Variants in TYR observed in about 807,000 individuals in gnomAD.
The protein encoded by TYR is tyrosinase, also known as LB24-AB.
TYR carries 58 observed loss-of-function variants against 51.5 expected under a neutral mutation model. The observed-to-expected ratio is 1.13, with a 90% CI of 0.91 to 1.40. The LOEUF (loss-of-function observed/expected upper bound fraction) is 1.40, where lower values mean the gene tolerates loss of function less well. Among genes scored for constraint, TYR ranks in the 40% most tolerant of loss-of-function variants. The pLI is 0.00. For missense variants in TYR, 732 were observed against 647.4 expected (o/e 1.13, Z -1.42); for synonymous variants, 263 against 235.2 (o/e 1.12, Z -1.08).
At chr11:89,218,716 A>G (rs1159039501) in intron 2 of TYR, among the ~76,000 whole-genome samples, 1 of 152,202 alleles carries the variant, frequency 6.6e-6, no homozygotes, top group Non-Finnish European at 1.5e-5. Flanking sequence ...ATTCTTCTTA[A>G]ATGCCTTATA....
chr11:89,186,280 C>T (rs1943371402), intron 1 of TYR, among the ~76,000 whole-genome samples: 1 of 152,034 alleles, frequency 6.6e-6, no homozygotes, highest in African/African-American at 2.4e-5. Context: ...AGAAGCAGAC[C>T]CTACATTTGA....
At chr11:89,290,025 T>A (rs1944838181) in intron 4 of TYR, among the ~76,000 whole-genome samples, 1 of 152,052 alleles carries the variant, frequency 6.6e-6, no homozygotes. Context: ...CTAATTCATT[T>A]GAGTAATGGC....
chr11:89,284,217 T>C (rs1590901696), intron 3 of TYR, among the ~76,000 whole-genome samples: 1 of 151,798 alleles, frequency 6.6e-6, no homozygotes, highest in Admixed American at 6.6e-5. Flanking sequence ...TACTCTAACT[T>C]TAGAAAAAGC....
chr11:89,277,246 T>A (rs925375317), intron 3 of TYR, among the ~76,000 whole-genome samples: 1 of 151,584 alleles, frequency 6.6e-6, no homozygotes, highest in Admixed American at 6.6e-5. Context: ...AAATAAATAA[T>A]AATAAAAGAA....
At chr11:89,244,982 C>T (rs1048818312) in intron 3 of TYR, among the ~76,000 whole-genome samples, 5 of 152,176 alleles carry the variant, frequency 3.3e-5, no homozygotes, top group African/African-American at 7.2e-5. Context: ...CACCAAAGAA[C>T]GGGGACCACA....
At chr11:89,275,119 G>C (rs1944636993) in intron 3 of TYR, among the ~76,000 whole-genome samples, 2 of 151,796 alleles carry the variant, frequency 1.3e-5, no homozygotes, top group African/African-American at 4.8e-5. Flanking sequence ...AAATTCTACA[G>C]GGATAAATCA....
chr11:89,193,738 C>T (rs537554141), intron 2 of TYR, among the ~76,000 whole-genome samples: 3 of 152,176 alleles, frequency 2.0e-5, no homozygotes, highest in South Asian at 2.1e-4. Flanking sequence ...ACCAGGTACA[C>T]ATTTTAAAAT....
chr11:89,189,827 G>C (rs1025164029), intron 1 of TYR, among the ~76,000 whole-genome samples: 4 of 152,096 alleles, frequency 2.6e-5, no homozygotes, highest in Non-Finnish European at 5.9e-5. Flanking sequence ...AACTTTTATG[G>C]CTCATTCTGT....
chr11:89,283,462 AC>A (rs1944742313), intron 3 of TYR, among the ~76,000 whole-genome samples: 2 of 151,822 alleles, frequency 1.3e-5, no homozygotes, highest in African/African-American at 4.8e-5. Flanking sequence ...CCAACCTTTG[AC>A]CTGCTAGCTT....
intron 4 of TYR, among the ~76,000 whole-genome samples, chr11:89,288,948 C>T (rs540992286): frequency 6.6e-6 from 1 of 152,030 alleles, no homozygotes; most frequent in South Asian, 2.1e-4. Context: ...CAACCAGGTA[C>T]TCATGTTTAT....
At chr11:89,282,646 G>A (rs1944732614) in intron 3 of TYR, among the ~76,000 whole-genome samples, 2 of 151,784 alleles carry the variant, frequency 1.3e-5, no homozygotes, top group Non-Finnish European at 2.9e-5. Context: ...AAAATCATAG[G>A]ACTTTAATAA....
At chr11:89,203,055 T>C (rs1035751840) in intron 2 of TYR, among the ~76,000 whole-genome samples, 1 of 152,138 alleles carries the variant, frequency 6.6e-6, no homozygotes, top group African/African-American at 2.4e-5. Context: ...TATATTAAAG[T>C]AAGAAAGTAA....
chr11:89,178,364 C>A lies in TYR; in HGVS notation c.411C>A (p.Tyr137Ter), dbSNP rs1323264246. 6.2e-7 allele frequency: 1 copy of A among 1,614,104 alleles called. No individual in the cohort carries two copies. Among genetic ancestry groups the A allele is most frequent in the Admixed American group, 1.7e-5 (1 of 60,022 alleles). The change falls in exon 1 of 5, where the codon TAC becomes TAA. Residue 137 changes from tyrosine (Y) to a stop codon, truncating the protein, a stop_gained. Coordinates refer to ENST00000263321, the MANE Select transcript of TYR (RefSeq NM_000372.5). LOFTEE classifies it high-confidence loss of function. ...CAGAGAAGGACAAATTTTTTGCCTA[C>A]CTCACTTTAGCAAAGCATACCATCA... ...SAPEKDKFFA[Y>*]LTLAKHTISS...
At chr11:89,262,643 C>A in intron 3 of TYR, among the ~76,000 whole-genome samples, 1 of 138,756 alleles carries the variant, frequency 7.2e-6, no homozygotes, top group Admixed American at 7.3e-5. Flanking sequence ...TTACTAAAAT[C>A]AGGAATGAAA....
chr11:89,204,947 G>A (rs796926681), intron 2 of TYR, among the ~76,000 whole-genome samples: 4 of 151,928 alleles, frequency 2.6e-5, no homozygotes, highest in African/African-American at 4.8e-5. Context: ...GGTGAAAACC[G>A]CAATTACGTT....
chr11:89,286,554 A>C (rs562819267), intron 4 of TYR, among the ~76,000 whole-genome samples: 1 of 151,882 alleles, frequency 6.6e-6, no homozygotes, highest in South Asian at 2.1e-4. Context: ...CAGGCCACTT[A>C]CCTAGTATAT....
intron 4 of TYR, among the ~76,000 whole-genome samples, chr11:89,292,898 C>G (rs140528122): frequency 0.017 from 2,546 of 152,194 alleles, 68 homozygotes; most frequent in African/African-American, 0.057. Context: ...CAGTATAGCA[C>G]AGGGATTTCA....
intron 2 of TYR, among the ~76,000 whole-genome samples, chr11:89,227,154 G>A (rs749093799): frequency 6.6e-6 from 1 of 152,070 alleles, no homozygotes; most frequent in Non-Finnish European, 1.5e-5. Context: ...AAGAACATAT[G>A]TCACAATAAA....
At chr11:89,217,216 C>T (rs914183938) in intron 2 of TYR, among the ~76,000 whole-genome samples, 2 of 152,040 alleles carry the variant, frequency 1.3e-5, no homozygotes, top group South Asian at 2.1e-4. Context: ...ATTAAAAATG[C>T]GAACATTTAT....
Sources: allele counts gnomAD v4.1 joint callset (sites outside exome capture counted in the v4.1 genomes callset), GRCh38; gene constraint gnomAD v4.1.1; transcripts MANE v1.5; gene names NCBI Gene and HGNC (gene_info 2026-07-23, HGNC 2026-07-21).